The following ARMC8 variants were observed in gnomAD, a reference collection of about 807,000 sequenced individuals.
ARMC8 encodes armadillo repeat containing 8.
In ARMC8, 20 loss-of-function variants were observed where a neutral mutation model predicts 99.3. The observed-to-expected ratio is 0.20, with a 90% CI of 0.14 to 0.29. ARMC8 has a LOEUF of 0.29. Among genes scored for constraint, ARMC8 ranks in the 10% least tolerant of loss-of-function variants. The pLI is 1.00. For missense variants in ARMC8, 569 were observed against 809.5 expected (o/e 0.70, Z 3.60); for synonymous variants, 263 against 278.3 (o/e 0.95, Z 0.55).
chr3:138,223,820 C>G (rs1226219614), intron 5 of ARMC8, 87 bp downstream of exon 5: 10 of 1,150,850 alleles, frequency 8.7e-6, no homozygotes, highest in African/African-American at 3.0e-5. Flanking sequence ...CTCATCATAA[C>G]TGTGTTATGT....
chr3:138,265,005 C>T (rs937752822), intron 14 of ARMC8, among the ~76,000 whole-genome samples: 1 of 151,670 alleles, frequency 6.6e-6, no homozygotes, highest in Non-Finnish European at 1.5e-5. Flanking sequence ...CCAAGTGATT[C>T]TCCCACCTTG....
chr3:138,263,618 T>C, intron 12 of ARMC8, 121 bp from the exon 13 acceptor site: 1 of 891,938 alleles, frequency 1.1e-6, no homozygotes, highest in South Asian at 1.4e-5. Context: ...GTTTGAGAGG[T>C]AAAAACTCTT....
intron 6 of ARMC8, among the ~76,000 whole-genome samples, chr3:138,233,682 A>C (rs1050432928): frequency 6.6e-6 from 1 of 152,224 alleles, no homozygotes; most frequent in Non-Finnish European, 1.5e-5. Context: ...CCCCACTTCA[A>C]ATGATGGGTG....
At chr3:138,258,168 C>T (rs1008170987) in intron 12 of ARMC8, among the ~76,000 whole-genome samples, 2 of 152,172 alleles carry the variant, frequency 1.3e-5, no homozygotes, top group African/African-American at 2.4e-5. Flanking sequence ...GACACCCCCT[C>T]AACCCACCCA....
At chr3:138,269,330 T>C (rs963599445) in intron 15 of ARMC8, among the ~76,000 whole-genome samples, 3 of 152,218 alleles carry the variant, frequency 2.0e-5, no homozygotes, top group African/African-American at 7.2e-5. Context: ...TGGTAAATCT[T>C]AATCCTCTAA....
At chr3:138,274,798 C>T (rs936210601) in intron 18 of ARMC8, among the ~76,000 whole-genome samples, 2 of 152,208 alleles carry the variant, frequency 1.3e-5, no homozygotes, top group African/African-American at 2.4e-5. Context: ...CCTGTCTCTA[C>T]AGGAGCAGTC....
intron 1 of ARMC8, among the ~76,000 whole-genome samples, chr3:138,206,838 C>T (rs1010472861): frequency 6.6e-6 from 1 of 152,204 alleles, no homozygotes; most frequent in Non-Finnish European, 1.5e-5. Flanking sequence ...CTTCAGCTTG[C>T]TTGCTGTCTG....
intron 16 of ARMC8, among the ~76,000 whole-genome samples, chr3:138,272,513 T>G (rs2048891302): frequency 2.0e-5 from 3 of 152,242 alleles, no homozygotes; most frequent in Non-Finnish European, 4.4e-5. Flanking sequence ...TATAGGTGAT[T>G]AACAAGAATC....
At chr3:138,259,842 CTAA>C (rs1222486321) in intron 12 of ARMC8, among the ~76,000 whole-genome samples, 8 of 152,140 alleles carry the variant, frequency 5.3e-5, no homozygotes, top group Non-Finnish European at 8.8e-5. Context: ...TGATTGAGCC[CTAA>C]TGTTTTTCCA....
intron 5 of ARMC8, among the ~76,000 whole-genome samples, chr3:138,225,556 A>G (rs1007490939): frequency 2.0e-5 from 3 of 152,184 alleles, no homozygotes; most frequent in African/African-American, 7.2e-5. Flanking sequence ...TTGCCTCACT[A>G]TACATGTCAG....
chr3:138,193,721 C>T (rs2043527677), intron 1 of ARMC8, among the ~76,000 whole-genome samples: 1 of 152,152 alleles, frequency 6.6e-6, no homozygotes, highest in African/African-American at 2.4e-5. Context: ...CAAAATGGAT[C>T]ATAGATTTTA....
At chr3:138,223,192 C>G (rs1047240753) in intron 3 of ARMC8, among the ~76,000 whole-genome samples, 197 bp from the exon 4 acceptor site, 1 of 152,040 alleles carries the variant, frequency 6.6e-6, no homozygotes, top group Non-Finnish European at 1.5e-5. Context: ...TATGATAGTT[C>G]TTTTTTTCAA....
intron 12 of ARMC8, among the ~76,000 whole-genome samples, chr3:138,252,882 T>C (rs1220483782): frequency 6.6e-6 from 1 of 151,838 alleles, no homozygotes; most frequent in Non-Finnish European, 1.5e-5. Context: ...GAGAAGCCAG[T>C]TGTCTGACTT....
In ARMC8 at chr3:138,264,133, G is replaced by A. The variant is rs1191013521; in HGVS notation, c.1220G>A (p.Cys407Tyr). 1 of 1,612,352 alleles carries A rather than the reference G, an allele frequency of 6.2e-7. No individual in the cohort carries two copies. Among genetic ancestry groups the A allele is most frequent in the Admixed American group, 1.7e-5 (1 of 59,718 alleles). The change falls in exon 14 of 22, where the codon TGT becomes TAT. Residue 407 changes from cysteine to tyrosine, a missense_variant and splice_region_variant. Cys to Tyr is a radical substitution (Grantham distance 194). This residue lies in a region of ARMC8 where 227 missense variants were observed against 417.9 expected (regional missense o/e 0.54). Transcript: ENST00000469044. Reference sequence around the variant, plus strand: ...CTAATTTTGATTATTCTTTGTAGATGTTTGCACAGTTTATCCAGATCTGTG... The same window carrying A: ...CTAATTTTGATTATTCTTTGTAGATATTTGCACAGTTTATCCAGATCTGTG... ...SVKVRLAAVR[C>Y]LHSLSRSVQQ...
chr3:138,232,600 T>C (rs2046112305), intron 6 of ARMC8, among the ~76,000 whole-genome samples: 1 of 152,196 alleles, frequency 6.6e-6, no homozygotes, highest in Non-Finnish European at 1.5e-5. Context: ...AGGGTACTAG[T>C]TAAAGTTTAG....
At chr3:138,222,251 G>T (rs929858203) in intron 3 of ARMC8, among the ~76,000 whole-genome samples, 10 of 152,168 alleles carry the variant, frequency 6.6e-5, no homozygotes, top group Non-Finnish European at 1.5e-4. Context: ...TGACAAAAGG[G>T]TTCGTAAAGT....
Position 138,296,326 on chromosome 3 carries a change from A to C in ARMC8, c.*434A>C, listed in dbSNP as rs2051480791. The C allele has an allele frequency of 6.5e-6, 1 of 153,632 alleles. No homozygotes were observed. Among genetic ancestry groups the C allele is most frequent in the African/African-American group, 2.4e-5 (1 of 41,516 alleles). 9.5% of individuals were successfully genotyped at this position (153,632 alleles called of 1,614,324 possible). A position where few individuals can be genotyped will look rare whatever the true frequency, so the allele number is the denominator to read the frequency against. On this transcript the variant is annotated 3_prime_UTR_variant, in exon 22 of 22. Transcript: ENST00000469044. Reference sequence around the variant, plus strand: ...GATTTTTCTTTTCTTATTTTGTGTGAAAATCTCTTTTCTACAGATTTTCCA... The same window carrying C: ...GATTTTTCTTTTCTTATTTTGTGTGCAAATCTCTTTTCTACAGATTTTCCA...
chr3:138,284,010 G>A (rs1352636131), intron 18 of ARMC8, among the ~76,000 whole-genome samples: 1 of 152,214 alleles, frequency 6.6e-6, no homozygotes, highest in Non-Finnish European at 1.5e-5. Flanking sequence ...GCTTCCCTGG[G>A]AGGGGAGTTG....
intron 7 of ARMC8, among the ~76,000 whole-genome samples, chr3:138,236,399 A>G (rs749820119): frequency 2.8e-4 from 43 of 152,194 alleles, no homozygotes; most frequent in Non-Finnish European, 4.6e-4. Flanking sequence ...TAATTCCCCC[A>G]GCTCTTCCTC....
Sources: gnomAD v4.1 joint callset for allele counts (sites outside exome capture counted in the v4.1 genomes callset) on GRCh38, gnomAD v4.1.1 for gene constraint, gnomAD v4.1.1 regional missense constraint, MANE v1.5 for transcripts, NCBI Gene and HGNC (gene_info 2026-07-23, HGNC 2026-07-21) for gene names.